Variants in ST8SIA2 observed in about 807,000 individuals in gnomAD.
ST8SIA2 encodes the protein alpha-2,8-sialyltransferase 8B.
In ST8SIA2, 22 loss-of-function variants were observed where a neutral mutation model predicts 37.6. The ratio of observed to expected loss-of-function variants is 0.58; its 90% CI spans 0.42 to 0.83. ST8SIA2 has a LOEUF of 0.83. ST8SIA2 is among the 40% of genes least tolerant of loss of function. The probability of loss-of-function intolerance (pLI) is 0.00; values close to 1 mark genes in which losing one functional copy is unlikely to be tolerated. For missense variants in ST8SIA2, 382 were observed against 484.7 expected (o/e 0.79, Z 1.99); for synonymous variants, 205 against 201.2 (o/e 1.02, Z -0.16).
chr15:92,394,090 T>A lies in ST8SIA2; in HGVS notation c.26T>A (p.Met9Lys). The change falls in exon 1 of 6, where the codon ATG (methionine) becomes AAG (lysine). Residue 9 changes from methionine (M) to lysine (K), a missense_variant. Met to Lys is a moderately conservative substitution (Grantham distance 95). Coordinates refer to ENST00000268164, the MANE Select transcript of ST8SIA2 (RefSeq NM_006011.4). MQLQFRSW[M>K]LAALTLLVVF... ...ATGCAGCTGCAGTTCCGGAGCTGGA[T>A]GCTGGCCGCGCTCACGCTGCTCGTG... 6.4e-7 allele frequency: 1 copy of A among 1,556,148 alleles called. No individual in the cohort carries two copies. The highest frequency in any genetic ancestry group is 8.7e-7 in the Non-Finnish European group (1 of 1,149,142).
intron 3 of ST8SIA2, 99 bp downstream of exon 3, chr15:92,434,474 A>C: frequency 6.4e-7 from 1 of 1,563,944 alleles, no homozygotes; most frequent in Non-Finnish European, 8.7e-7. Context: ...GGATAGAAAT[A>C]AAATGTTTAC....
Position 92,438,463 on chromosome 15 carries a change from A to G in ST8SIA2, c.401A>G (p.Asn134Ser). 1 of 1,614,224 alleles carries G rather than the reference A, an allele frequency of 6.2e-7. No homozygotes were observed. Among genetic ancestry groups the G allele is most frequent in the South Asian group, 1.1e-5 (1 of 91,082 alleles). ...HYIFDRDSTM[N>S]VSQNLYELLP... is the part of the protein sequence containing the mutation. ...ATCTTCGATCGAGACAGCACCATGAATGTGTCCCAGAACCTCTACGAGCTC... is the reference window on the plus strand; with the variant it reads ...ATCTTCGATCGAGACAGCACCATGAGTGTGTCCCAGAACCTCTACGAGCTC... Residue 134 changes from asparagine (N) to serine (S), a missense_variant, in exon 4 of 6, where the codon AAT becomes AGT. Asn to Ser is a conservative substitution (Grantham distance 46). Transcript: ENST00000268164.
intron 1 of ST8SIA2, among the ~76,000 whole-genome samples, chr15:92,414,922 A>G (rs558300338): frequency 1.3e-5 from 2 of 152,328 alleles, no homozygotes; most frequent in East Asian, 1.9e-4. Flanking sequence ...GCTTTCCCCT[A>G]GCCAATCAGG....
chr15:92,424,322 T>C (rs3784737), intron 1 of ST8SIA2, among the ~76,000 whole-genome samples: 41,505 of 152,090 alleles, frequency 0.27, 6,830 homozygotes, highest in Non-Finnish European at 0.36. Context: ...GGGCTTGGTG[T>C]ATATATCAAA....
intron 4 of ST8SIA2, among the ~76,000 whole-genome samples, chr15:92,441,411 G>A (rs2049800744): frequency 6.6e-6 from 1 of 152,162 alleles, no homozygotes. Context: ...GGCACTGCTC[G>A]AGCAAGCGTC....
chr15:92,454,553 G>A (rs1370559655), intron 5 of ST8SIA2, among the ~76,000 whole-genome samples: 1 of 151,930 alleles, frequency 6.6e-6, no homozygotes, highest in Non-Finnish European at 1.5e-5. Flanking sequence ...CTGAGTCTCT[G>A]CCCCCACAGT....
intron 2 of ST8SIA2, among the ~76,000 whole-genome samples, 198 bp from the exon 3 acceptor site, chr15:92,434,049 A>C (rs1229402439): frequency 6.6e-6 from 1 of 152,172 alleles, no homozygotes; most frequent in Non-Finnish European, 1.5e-5. Flanking sequence ...CCAACAATGT[A>C]TGTAGGTTAT....
intron 5 of ST8SIA2, among the ~76,000 whole-genome samples, chr15:92,452,011 A>G (rs1235812018): frequency 6.6e-6 from 1 of 152,202 alleles, no homozygotes; most frequent in Non-Finnish European, 1.5e-5. Flanking sequence ...TCAAGTAAGA[A>G]CCAAAGGGCT....
chr15:92,393,975 G>A lies in ST8SIA2; in HGVS notation c.-90G>A, dbSNP rs2049409251. 4.7e-6 allele frequency: 4 copies of A among 855,912 alleles called. No homozygotes were observed. The highest frequency in any genetic ancestry group is 3.8e-4 in the Middle Eastern group (1 of 2,664). The allele number at this position is 855,912 out of a possible 1,614,324, so 53.0% of individuals were successfully genotyped here. On this transcript the variant is annotated 5_prime_UTR_variant, in exon 1 of 6. Coordinates refer to ENST00000268164, the MANE Select transcript of ST8SIA2 (RefSeq NM_006011.4). Reference sequence around the variant, plus strand: ...CAGGGTGTCTGCCCAGCTGCGCGCGGCGCGCGGAGGCTCCGGCGTCCGCCG... The same window carrying A: ...CAGGGTGTCTGCCCAGCTGCGCGCGACGCGCGGAGGCTCCGGCGTCCGCCG...
At position 92,466,297 on chromosome 15, in the gene ST8SIA2, G is replaced by A. The variant is rs948362179; in HGVS notation, c.*1912G>A. 1 of 152,194 alleles carries A rather than the reference G, an allele frequency of 6.6e-6. No individual in the cohort carries two copies. The highest frequency in any genetic ancestry group is 2.4e-5 in the African/African-American group (1 of 41,448). The allele number at this position is 152,194 out of a possible 1,614,324, so 9.4% of individuals were successfully genotyped here. A position where few individuals can be genotyped will look rare whatever the true frequency, so the allele number is the denominator to read the frequency against. ...GAGTGGTTTCGGACTCCTCACAGGC[G>A]GTGGAAATAATTAATACCATATTTT... On this transcript the variant is annotated 3_prime_UTR_variant, in exon 6 of 6. Coordinates refer to ENST00000268164, the MANE Select transcript of ST8SIA2 (RefSeq NM_006011.4).
intron 5 of ST8SIA2, among the ~76,000 whole-genome samples, chr15:92,453,222 C>A (rs767663952): frequency 6.6e-6 from 1 of 152,174 alleles, no homozygotes; most frequent in African/African-American, 2.4e-5. Context: ...TATGTGCTGA[C>A]CATTGACACC....
chr15:92,430,326 C>T (rs1259174901), intron 2 of ST8SIA2, among the ~76,000 whole-genome samples: 2 of 152,194 alleles, frequency 1.3e-5, no homozygotes, highest in African/African-American at 4.8e-5. Context: ...ATGGAAAATG[C>T]AGATGGGTAA....
intron 1 of ST8SIA2, among the ~76,000 whole-genome samples, chr15:92,394,557 C>T (rs951012502): frequency 6.6e-6 from 1 of 152,022 alleles, no homozygotes; most frequent in African/African-American, 2.4e-5. Flanking sequence ...GTCTCCAGCA[C>T]GGCCGCTTTC....
At position 92,464,522 on chromosome 15, in the gene ST8SIA2, A is replaced by C; in HGVS notation, c.*137A>C. On this transcript the variant is annotated 3_prime_UTR_variant, in exon 6 of 6. Transcript: ENST00000268164. ...GTTAAAGTGTAAAACAGTGACCAGA[A>C]TATATATATCTATACCTGCATATAT... is the stretch of plus-strand genomic sequence containing the variant. 1.1e-6 allele frequency: 1 copy of C among 895,518 alleles called. No homozygotes were observed. Among genetic ancestry groups the C allele is most frequent in the South Asian group, 1.4e-5 (1 of 70,340 alleles). 55.5% of individuals were successfully genotyped at this position (895,518 alleles called of 1,614,324 possible). A position where few individuals can be genotyped will look rare whatever the true frequency, so the allele number is the denominator to read the frequency against.
chr15:92,425,075 ATTTCAGCACTCTATAAATTATC>A (rs1021056109), intron 1 of ST8SIA2, among the ~76,000 whole-genome samples: 6 of 122,358 alleles, frequency 4.9e-5, no homozygotes, highest in African/African-American at 1.5e-4. Flanking sequence ...TGTTTCTACA[ATTTCAGCACTCTATAAATTATC>A]TTTAGCAAAT....
At chr15:92,406,328 G>T (rs1567210626) in intron 1 of ST8SIA2, among the ~76,000 whole-genome samples, 1 of 152,180 alleles carries the variant, frequency 6.6e-6, no homozygotes, top group Admixed American at 6.5e-5. Flanking sequence ...TCTCTAACAG[G>T]TTCCAGGTGA....
rs1310461698 is a variant in ST8SIA2, at chr15:92,468,409, C to T, written c.*4024C>T. 6.5e-6 allele frequency: 1 copy of T among 152,776 alleles called. No homozygotes were observed. Among genetic ancestry groups the T allele is most frequent in the East Asian group, 1.9e-4 (1 of 5,192 alleles). 9.5% of individuals were successfully genotyped at this position (152,776 alleles called of 1,614,324 possible). A position where few individuals can be genotyped will look rare whatever the true frequency, so the allele number is the denominator to read the frequency against. ...TGCCTTTGGTCTTGCTATCCCCATC[C>T]CCTGGAATGCTCCCTTTTCTTCCCT... On this transcript the variant is annotated 3_prime_UTR_variant, in exon 6 of 6. Transcript: ENST00000268164.
At chr15:92,429,807 C>A (rs571967833) in intron 1 of ST8SIA2, among the ~76,000 whole-genome samples, 1 of 152,316 alleles carries the variant, frequency 6.6e-6, no homozygotes, top group Admixed American at 6.5e-5. Flanking sequence ...AACCTGGCTA[C>A]TTACTAATTG....
chr15:92,394,525 G>C (rs2049415297), intron 1 of ST8SIA2, among the ~76,000 whole-genome samples: 1 of 152,172 alleles, frequency 6.6e-6, no homozygotes, highest in East Asian at 1.9e-4. Flanking sequence ...GGCCGAGAGT[G>C]GAGGGAGGCA....
Sources: allele counts gnomAD v4.1 joint callset (sites outside exome capture counted in the v4.1 genomes callset), GRCh38; gene constraint gnomAD v4.1.1; transcripts MANE v1.5; gene names NCBI Gene and HGNC (gene_info 2026-07-23, HGNC 2026-07-21).